The following UBQLN4 variants were observed in gnomAD, a reference collection of about 807,000 sequenced individuals.
UBQLN4 encodes ubiquilin-4.
In UBQLN4, 11 loss-of-function variants were observed where a neutral mutation model predicts 60.4. The ratio of observed to expected loss-of-function variants is 0.18; its 90% confidence interval spans 0.11 to 0.30. UBQLN4 has a LOEUF of 0.30. UBQLN4 is among the 10% of genes least tolerant of loss of function. UBQLN4 has a pLI of 1.00. For missense variants in UBQLN4, 417 were observed against 795.5 expected, an observed-to-expected ratio of 0.52 and a Z score of 5.72; for synonymous variants, 258 against 313.1, an observed-to-expected ratio of 0.82 and a Z score of 1.86.
rs1283401338 is a variant in UBQLN4 at position 156,048,986 on chromosome 1, CACAG to C, written c.742-331_742-328del. On this transcript the variant is annotated intron_variant, in intron 4 of 10. Transcript: ENST00000368309. The surrounding 1 kb of genome is among the most constrained non-coding windows in gnomAD (Gnocchi z 4.9). Reference sequence around the variant, plus strand: ...CACAAGGAAACTGAGTCAGAAGAGACACAGAAAGAAAGGGGAGGAGGCAGAAGAG... The same window carrying C: ...CACAAGGAAACTGAGTCAGAAGAGACAAAGAAAGGGGAGGAGGCAGAAGAG... Among the ~76,000 whole-genome samples, 1 of 152,106 alleles carries C rather than the reference CACAG, an allele frequency of 6.6e-6. No homozygotes were observed. The highest frequency in any genetic ancestry group is 1.5e-5 in the Non-Finnish European group (1 of 68,010).
downstream of UBQLN4, chr1:156,033,188 A>G: frequency 1.0e-6 from 1 of 985,066 alleles, no homozygotes; most frequent in Non-Finnish European, 1.2e-6. Context: ...CCGACTCTGG[A>G]GCAAGGAGGA....
intron 6 of UBQLN4, among the ~76,000 whole-genome samples, chr1:156,043,363 T>A (rs1444223688): frequency 6.6e-6 from 1 of 152,166 alleles, no homozygotes; most frequent in Non-Finnish European, 1.5e-5. Context: ...ATTGGGTCCT[T>A]CCTCATCCTG....
At position 156,050,096 on chromosome 1, in the gene UBQLN4, G is replaced by A. The variant is rs569198064; in HGVS notation, c.741+195C>T. Among the ~76,000 whole-genome samples, 92 of 152,118 alleles carry A rather than the reference G, an allele frequency of 6.0e-4. No individual in the cohort carries two copies. The highest frequency in any genetic ancestry group is 9.3e-4 in the Non-Finnish European group (63 of 68,016). Reference sequence around the variant, plus strand: ...ATGGCCACATTGTATTCTAATTGCCGGTTTACTTGTCCTACTTCCCTTTGA... The same window carrying A: ...ATGGCCACATTGTATTCTAATTGCCAGTTTACTTGTCCTACTTCCCTTTGA... On this transcript the variant is annotated intron_variant, in intron 4 of 10. Transcript: ENST00000368309. This position sits in a 1 kb window ranked among gnomAD's most constrained non-coding sequence, Gnocchi z 4.6.
At chr1:156,047,745 G>A (rs967133826) in intron 5 of UBQLN4, among the ~76,000 whole-genome samples, 3 of 151,044 alleles carry the variant, frequency 2.0e-5, no homozygotes, top group Non-Finnish European at 3.0e-5. Context: ...AATATAAAAA[G>A]TTAGCCGGGC....
chr1:156,045,597 A>G (rs1683678133), intron 5 of UBQLN4, among the ~76,000 whole-genome samples: 2 of 152,248 alleles, frequency 1.3e-5, no homozygotes. Context: ...AACTGTTTTC[A>G]TAATTCTAAG....
intron 10 of UBQLN4, 130 bp from the exon 11 acceptor site, chr1:156,037,260 G>A: frequency 8.4e-7 from 1 of 1,187,150 alleles, no homozygotes; most frequent in Non-Finnish European, 1.2e-6. Context: ...GGGAAGATGA[G>A]CTGCAAATGG....
Position 156,036,277 on chromosome 1 carries a change from G to A in UBQLN4, c.*701C>T, listed in dbSNP as rs569151436. On this transcript the variant is annotated 3_prime_UTR_variant, in exon 11 of 11. Coordinates refer to ENST00000368309, the MANE Select transcript of UBQLN4 (RefSeq NM_020131.5). ...GCTGTCTCCCCCATTCCCTTCCTCC[G>A]AATAATCTCATTCCCTCCTCTTTCA... 19 of 985,508 alleles carry A rather than the reference G, an allele frequency of 1.9e-5. No individual in the cohort carries two copies. In the African/African-American group the frequency reaches 2.1e-4, roughly 11 times the overall value. 61.0% of individuals were successfully genotyped at this position (985,508 alleles called of 1,614,324 possible). A position where few individuals can be genotyped will look rare whatever the true frequency, so the allele number is the denominator to read the frequency against.
chr1:156,044,208 A>C lies in UBQLN4; in HGVS notation c.916T>G (p.Phe306Val). Reference protein sequence around the residue: ...AAREQFGNNPFSSLAGNSDSS... With the variant: ...AAREQFGNNPVSSLAGNSDSS... ...TCGGAGTTCCCGGCCAGGGAAGAGA[A>C]GGGATTGTTGCCAAACTGGGAGGAG... is the stretch of plus-strand genomic sequence containing the variant. The change falls in exon 6 of 11, where the codon TTC (phenylalanine) becomes GTC (valine). Residue 306 changes from phenylalanine to valine, a missense_variant. Transcript: ENST00000368309. 1 of 1,565,718 alleles carries C rather than the reference A, an allele frequency of 6.4e-7. No individual in the cohort carries two copies. Among genetic ancestry groups the C allele is most frequent in the Non-Finnish European group, 8.7e-7 (1 of 1,154,626 alleles).
chr1:156,037,958 A>C (rs529763128), intron 10 of UBQLN4, among the ~76,000 whole-genome samples: 1 of 152,350 alleles, frequency 6.6e-6, no homozygotes, highest in Admixed American at 6.5e-5. Flanking sequence ...CCAGGCTGGA[A>C]TATAGTGGCA....
rs1022702899 is a variant in UBQLN4, at chr1:156,048,776, T to C, written c.742-117A>G. ...AGGATCAGGACCAGGGCCCAGGAAC[T>C]GCCCCACAGTGACAGGGAGTAGAGT... On this transcript the variant is annotated intron_variant, in intron 4 of 10. Transcript: ENST00000368309. This position sits in a 1 kb window ranked among gnomAD's most constrained non-coding sequence, Gnocchi z 4.9. 1.8e-6 allele frequency: 2 copies of C among 1,132,220 alleles called. No individual in the cohort carries two copies. Among genetic ancestry groups the C allele is most frequent in the Non-Finnish European group, 2.5e-6 (2 of 802,818 alleles). The allele number at this position is 1,132,220 out of a possible 1,614,324, so 70.1% of individuals were successfully genotyped here.
intron 4 of UBQLN4, among the ~76,000 whole-genome samples, chr1:156,049,137 G>C (rs759235552): frequency 6.6e-6 from 1 of 152,184 alleles, no homozygotes; most frequent in Non-Finnish European, 1.5e-5. Context: ...CTATTTTGCA[G>C]ATGAGCAAAT....
At chr1:156,038,339 G>A (rs974899940) in intron 10 of UBQLN4, among the ~76,000 whole-genome samples, 4 of 149,310 alleles carry the variant, frequency 2.7e-5, no homozygotes, top group Non-Finnish European at 5.9e-5. Flanking sequence ...TTGCGCCACT[G>A]CACTCCAGCC....
intron 7 of UBQLN4, 127 bp downstream of exon 7, chr1:156,042,647 G>A (rs1159814720): frequency 4.3e-6 from 6 of 1,392,164 alleles, no homozygotes; most frequent in Non-Finnish European, 5.8e-6. Flanking sequence ...TCACACAGCT[G>A]GGAAGCAGCA....
chr1:156,032,513 G>GAAA, downstream of UBQLN4, among the ~76,000 whole-genome samples: 1 of 119,000 alleles, frequency 8.4e-6, no homozygotes, highest in African/African-American at 3.3e-5. Context: ...CTCCGTCTCA[G>GAAA]AAAAAAAAAA....
downstream of UBQLN4, among the ~76,000 whole-genome samples, chr1:156,033,825 C>A (rs1572265159): frequency 7.4e-6 from 1 of 135,480 alleles, no homozygotes; most frequent in African/African-American, 2.9e-5. Context: ...GCCTGGGTGA[C>A]AAGAGTGAAA....
chr1:156,047,872 A>G (rs1683756675), intron 5 of UBQLN4, among the ~76,000 whole-genome samples: 1 of 147,468 alleles, frequency 6.8e-6, no homozygotes, highest in Non-Finnish European at 1.5e-5. Flanking sequence ...AGCCTGGGCG[A>G]TAGAGCGAGA....
chr1:156,048,695 C>G lies in UBQLN4; in HGVS notation c.742-36G>C. On this transcript the variant is annotated intron_variant, in intron 4 of 10. Coordinates refer to ENST00000368309, the MANE Select transcript of UBQLN4 (RefSeq NM_020131.5). This position sits in a 1 kb window ranked among gnomAD's most constrained non-coding sequence, Gnocchi z 4.9. ...GAGAGAGACAAAATGGGCCCCGGAA[C>G]CAGGGGAGCACCAACCTAGGAAAAG... is the stretch of plus-strand genomic sequence containing the variant. 1 of 1,599,988 alleles carries G rather than the reference C, an allele frequency of 6.3e-7. No individual in the cohort carries two copies. The highest frequency in any genetic ancestry group is 8.6e-7 in the Non-Finnish European group (1 of 1,168,836).
At chr1:156,032,680 T>C (rs1167423701), downstream of UBQLN4, among the ~76,000 whole-genome samples, 1 of 152,126 alleles carries the variant, frequency 6.6e-6, no homozygotes. Context: ...CACAGAGAGA[T>C]GGGCGCTTGG....
At chr1:156,044,374 C>T (rs929957640) in intron 5 of UBQLN4, 151 bp from the exon 6 acceptor site, 5 of 699,612 alleles carry the variant, frequency 7.1e-6, no homozygotes, top group Admixed American at 2.7e-5. Context: ...GTTCTTTGCC[C>T]CACAATGGAT....
Sources: gnomAD v4.1 joint callset for allele counts (sites outside exome capture counted in the v4.1 genomes callset) on GRCh38, gnomAD v4.1.1 for gene constraint, Gnocchi (gnomAD v3.1) non-coding constraint, MANE v1.5 for transcripts, NCBI Gene and HGNC (gene_info 2026-07-23, HGNC 2026-07-21) for gene names.